The following HIPK4 variants were observed in gnomAD, a reference collection of about 807,000 sequenced individuals.
HIPK4 encodes the protein homeodomain-interacting protein kinase 4.
In HIPK4, 26 loss-of-function variants were observed where a neutral mutation model predicts 44.8. The observed-to-expected ratio is 0.58, with a 90% confidence interval of 0.43 to 0.80. HIPK4 has a LOEUF of 0.80. HIPK4 is among the 30% of genes least tolerant of loss of function. The pLI, the probability that HIPK4 is intolerant of heterozygous loss-of-function variation, is 0.00. For missense variants in HIPK4, 729 were observed against 862.6 expected (o/e 0.85, Z 1.94); for synonymous variants, 340 against 355.5 (o/e 0.96, Z 0.49).
chr19:40,389,974 C>CT lies in HIPK4; in HGVS notation c.-73dup, dbSNP rs890175379. 80 of 1,237,020 alleles carry CT rather than the reference C, an allele frequency of 6.5e-5. No individual in the cohort carries two copies. The African/African-American group carries it at 1.1e-3, about 18-fold the overall frequency. 76.6% of individuals were successfully genotyped at this position (1,237,020 alleles called of 1,614,324 possible). ...TGGCTCTGCCGCCCAGGCCTCCCGC[C>CT]TGGCTGCTGACACAGCAGGCCCCCC... On this transcript the variant is annotated 5_prime_UTR_variant, in exon 1 of 4. Transcript: ENST00000291823. The surrounding 1 kb of genome is among the most constrained non-coding windows in gnomAD (Gnocchi z 4.6).
At chr19:40,381,275 A>G (rs1234750943) in intron 2 of HIPK4, 107 bp from the exon 3 acceptor site, 15 of 919,756 alleles carry the variant, frequency 1.6e-5, no homozygotes, top group African/African-American at 3.3e-5. Context: ...AGGTCTGCCC[A>G]TGATCTGCCT....
rs1328912809 is a variant in HIPK4, at chr19:40,389,716, G to A, written c.187C>T (p.Arg63Ter). 1.2e-6 allele frequency: 2 copies of A among 1,614,194 alleles called. No homozygotes were observed. Among genetic ancestry groups the A allele is most frequent in the Non-Finnish European group, 1.7e-6 (2 of 1,180,024 alleles). ...TGGGCCTCTTCAGGGTCTAGGCCTC[G>A]CATGCAGTGCAGCAGCTTCAGCTCG... is the stretch of plus-strand genomic sequence containing the variant. ...KNELKLLHCM[R>*]GLDPEEAHVI... Residue 63 changes from arginine (R) to a stop codon, truncating the protein, a stop_gained, in exon 1 of 4, where the codon CGA becomes TGA. Coordinates refer to ENST00000291823, the MANE Select transcript of HIPK4 (RefSeq NM_144685.5). LOFTEE classifies it high-confidence loss of function. The surrounding 1 kb of genome is among the most constrained non-coding windows in gnomAD (Gnocchi z 4.6).
At chr19:40,387,371 G>A (rs192161289) in intron 1 of HIPK4, among the ~76,000 whole-genome samples, 104 of 152,220 alleles carry the variant, frequency 6.8e-4, no homozygotes, top group African/African-American at 2.3e-3. Flanking sequence ...CAACAGCTGC[G>A]GAACCAACAT....
At position 40,379,602 on chromosome 19, in the gene HIPK4, G is replaced by T; in HGVS notation, c.1836C>A (p.Val612=). 6.5e-7 allele frequency: 1 copy of T among 1,537,994 alleles called. No individual in the cohort carries two copies. The change falls in exon 4 of 4, where the codon GTC becomes GTA. Residue 612 remains valine, a synonymous_variant. Transcript: ENST00000291823. ...GGAATCACCATCAGTGGTGCCCGGT[G>T]ACATGCTGGAGGAAGCTGGTGGCCC... The part of the protein sequence containing the change: ...PRGATSFLQH[V]TGHH
rs1367480991 is a variant in HIPK4, at chr19:40,390,094, G to A, written c.-192C>T. 3 of 596,182 alleles carry A rather than the reference G, an allele frequency of 5.0e-6. No individual in the cohort carries two copies. In the East Asian group the frequency reaches 8.3e-5, roughly 17 times the overall value. 36.9% of individuals were successfully genotyped at this position (596,182 alleles called of 1,614,324 possible). A position where few individuals can be genotyped will look rare whatever the true frequency, so the allele number is the denominator to read the frequency against. On this transcript the variant is annotated 5_prime_UTR_variant, in exon 1 of 4. Transcript: ENST00000291823. ...AACCCCCAGGCCACACTGTCAGTCT[G>A]CCAGGGGCTGCACCCCTCCCCAGAA...
Position 40,380,757 on chromosome 19 carries a change from G to T in HIPK4, c.1234C>A (p.Pro412Thr). ...AGMGSVAGSS[P>T]FFREEKAPGM... ...GGTGCCTTCTCCTCTCGGAAGAAGG[G>T]GCTGCTGCCGGCCACACTGCCCATA... The change falls in exon 3 of 4, where the codon CCC becomes ACC. Residue 412 changes from proline to threonine, a missense_variant. Around this residue, in one of 2 missense-constraint regions of HIPK4, gnomAD observed 533 missense variants for 567.5 expected, o/e 0.94. Transcript: ENST00000291823. This position sits in a 1 kb window ranked among gnomAD's most constrained non-coding sequence, Gnocchi z 4.2. The T allele has an allele frequency of 6.2e-7, 1 of 1,614,144 alleles. No homozygotes were observed.
At chr19:40,386,754 T>G (rs943126740) in intron 1 of HIPK4, among the ~76,000 whole-genome samples, 18 of 152,228 alleles carry the variant, frequency 1.2e-4, no homozygotes, top group African/African-American at 4.3e-4. Context: ...GAACAGGGCT[T>G]GGCACACAGC....
intron 1 of HIPK4, among the ~76,000 whole-genome samples, chr19:40,384,398 G>A (rs370628926): frequency 3.3e-5 from 5 of 152,186 alleles, no homozygotes; most frequent in East Asian, 3.9e-4. Flanking sequence ...CCACCTCCCC[G>A]GTTCAAGCGA....
intron 1 of HIPK4, among the ~76,000 whole-genome samples, chr19:40,388,298 G>A (rs1039895100): frequency 3.3e-5 from 5 of 152,174 alleles, no homozygotes; most frequent in African/African-American, 7.2e-5. Flanking sequence ...GATTACAGGC[G>A]TGAGCCACCG....
intron 3 of HIPK4, 102 bp from the exon 4 acceptor site, chr19:40,379,871 G>T (rs1599640625): frequency 3.2e-6 from 4 of 1,232,804 alleles, no homozygotes; most frequent in Non-Finnish European, 4.5e-6. Flanking sequence ...ATGTGCTAGG[G>T]TCTTACCAGT....
chr19:40,387,265 G>A (rs2079367486), intron 1 of HIPK4, among the ~76,000 whole-genome samples: 1 of 151,900 alleles, frequency 6.6e-6, no homozygotes, highest in African/African-American at 2.4e-5. Flanking sequence ...CGTCCACTAG[G>A]AAGACACCTC....
chr19:40,390,160 A>C lies in HIPK4; in HGVS notation c.-258T>G. 6 of 514,666 alleles carry C rather than the reference A, an allele frequency of 1.2e-5. No homozygotes were observed. Among genetic ancestry groups the C allele is most frequent in the Non-Finnish European group, 1.1e-5 (3 of 283,278 alleles). 31.9% of individuals were successfully genotyped at this position (514,666 alleles called of 1,614,324 possible). On this transcript the variant is annotated 5_prime_UTR_variant, in exon 1 of 4. Coordinates refer to ENST00000291823, the MANE Select transcript of HIPK4 (RefSeq NM_144685.5). The stretch of plus-strand genomic sequence containing the variant: ...GATGAGGGGCCCCAGGCCCCACCGA[A>C]TGGGTTCCAGCGCTGTTGAGTGGCT...
At chr19:40,382,386 T>G (rs1021790022) in intron 2 of HIPK4, among the ~76,000 whole-genome samples, 8 of 152,188 alleles carry the variant, frequency 5.3e-5, no homozygotes, top group African/African-American at 1.9e-4. Context: ...CATAAGCCAC[T>G]GCACCTGGCC....
chr19:40,384,162 C>A (rs765316419), intron 1 of HIPK4, 23 bp from the exon 2 acceptor site: 2 of 1,543,964 alleles, frequency 1.3e-6, no homozygotes, highest in Admixed American at 3.7e-5. Flanking sequence ...GGGAAGAGGG[C>A]GAGTGGGCAG....
In HIPK4 at chr19:40,382,891, CA is replaced by C. The variant is rs567737095; in HGVS notation, c.822+891del. Reference sequence around the variant, plus strand: ...TAAAACCCCGTCTCTAGTAAAAATACAAAAAAATTGCCGGGTGTGATGGTGG... The same window carrying C: ...TAAAACCCCGTCTCTAGTAAAAATACAAAAAATTGCCGGGTGTGATGGTGG... On this transcript the variant is annotated intron_variant, in intron 2 of 3. Coordinates refer to ENST00000291823, the MANE Select transcript of HIPK4 (RefSeq NM_144685.5). Among the ~76,000 whole-genome samples, 1,060 of 150,338 alleles carry C rather than the reference CA, an allele frequency of 7.1e-3. 17 individuals carry two copies. The highest frequency in any genetic ancestry group is 0.025 in the African/African-American group (1,007 of 41,038).
At chr19:40,388,109 C>T (rs1297311059) in intron 1 of HIPK4, among the ~76,000 whole-genome samples, 5 of 151,876 alleles carry the variant, frequency 3.3e-5, no homozygotes, top group East Asian at 1.9e-4. Flanking sequence ...CTCTGCCTCC[C>T]GGGTTCTAAG....
Position 40,389,385 on chromosome 19 carries a change from G to T in HIPK4, c.465+53C>A. Reference sequence around the variant, plus strand: ...AAAAAATCTAGGGCTGGAAGAAGCTGGGAAAAAGACAAGGAACTAGGGACG... The same window carrying T: ...AAAAAATCTAGGGCTGGAAGAAGCTTGGAAAAAGACAAGGAACTAGGGACG... On this transcript the variant is annotated intron_variant, in intron 1 of 3. Coordinates refer to ENST00000291823, the MANE Select transcript of HIPK4 (RefSeq NM_144685.5). This position sits in a 1 kb window ranked among gnomAD's most constrained non-coding sequence, Gnocchi z 4.6. The T allele has an allele frequency of 1.0e-6, 1 of 976,068 alleles. No individual in the cohort carries two copies. Among genetic ancestry groups the T allele is most frequent in the South Asian group, 3.5e-5 (1 of 28,178 alleles). 60.5% of individuals were successfully genotyped at this position (976,068 alleles called of 1,614,324 possible).
intron 1 of HIPK4, among the ~76,000 whole-genome samples, chr19:40,386,529 CT>C (rs1175714268): frequency 6.6e-6 from 1 of 151,940 alleles, no homozygotes; most frequent in Non-Finnish European, 1.5e-5. Context: ...AATTTTTTAA[CT>C]TTTTGTAGAG....
At position 40,379,408 on chromosome 19, in the gene HIPK4, A is replaced by T. The variant is rs929835690; in HGVS notation, c.*179T>A. The T allele has an allele frequency of 6.7e-6, 4 of 593,426 alleles. No homozygotes were observed. Among genetic ancestry groups the T allele is most frequent in the Non-Finnish European group, 1.1e-5 (4 of 349,804 alleles). The allele number at this position is 593,426 out of a possible 1,614,324, so 36.8% of individuals were successfully genotyped here. On this transcript the variant is annotated 3_prime_UTR_variant, in exon 4 of 4. Transcript: ENST00000291823. ...CAGACTCCAAAGCCCTGCTGTGTTT[A>T]GGAGAGGTGTGCAGGCACGCACCGC... is the stretch of plus-strand genomic sequence containing the variant.
Sources: gnomAD v4.1 joint callset for allele counts (sites outside exome capture counted in the v4.1 genomes callset) on GRCh38, gnomAD v4.1.1 for gene constraint, gnomAD v4.1.1 regional missense constraint, Gnocchi (gnomAD v3.1) non-coding constraint, MANE v1.5 for transcripts, NCBI Gene and HGNC (gene_info 2026-07-23, HGNC 2026-07-21) for gene names.